Variants in NKAIN2 observed in about 807,000 individuals in gnomAD.
NKAIN2 encodes the protein sodium/potassium-transporting ATPase subunit beta-1-interacting protein 2.
A neutral mutation model predicts 32.6 loss-of-function variants in NKAIN2; 14 were observed. The observed-to-expected ratio is 0.43, with a 90% CI of 0.28 to 0.67. The LOEUF is 0.67. Ranked by LOEUF, NKAIN2 falls within the 30% of genes least tolerant of loss-of-function variation. NKAIN2 has a pLI of 0.17. For synonymous variants in NKAIN2, 80 were observed against 87.2 expected, an observed-to-expected ratio of 0.92 and a Z score of 0.46; for missense variants, 198 against 258.3, an observed-to-expected ratio of 0.77 and a Z score of 1.60.
chr6:124,148,223 A>C (rs1787518675), intron 1 of NKAIN2, among the ~76,000 whole-genome samples: 1 of 152,234 alleles, frequency 6.6e-6, no homozygotes, highest in South Asian at 2.1e-4. Flanking sequence ...TGTGATTACT[A>C]TTTTAACATT....
intron 1 of NKAIN2, among the ~76,000 whole-genome samples, chr6:123,877,855 A>G (rs942768428): frequency 3.3e-5 from 5 of 152,204 alleles, no homozygotes; most frequent in African/African-American, 1.2e-4. Context: ...GTAACTTTTA[A>G]TTATAATTTT....
intron 4 of NKAIN2, among the ~76,000 whole-genome samples, chr6:124,757,594 T>G (rs1014914108): frequency 6.6e-6 from 1 of 152,146 alleles, no homozygotes; most frequent in Admixed American, 6.6e-5. Context: ...AATTGATGCA[T>G]GTCTGTAGAA....
rs111594753 is a variant in NKAIN2 at position 124,077,739 on chromosome 6, G to A, written c.55-205266G>A. Among the ~76,000 whole-genome samples the A allele has an allele frequency of 2.3e-3, 354 of 151,642 alleles. 1 individual carries two copies. Among genetic ancestry groups the A allele is most frequent in the African/African-American group, 6.9e-3 (284 of 41,310 alleles). On this transcript the variant is annotated intron_variant, in intron 1 of 6. Coordinates refer to ENST00000368417, the MANE Select transcript of NKAIN2 (RefSeq NM_001040214.3). ...AGCCTGCCTCCCTTGTGGGACCATA[G>A]ATGCTCACCACCACACCCAGCTATT...
At chr6:124,449,881 A>T (rs927504111) in intron 3 of NKAIN2, among the ~76,000 whole-genome samples, 32 of 152,140 alleles carry the variant, frequency 2.1e-4, no homozygotes, top group African/African-American at 7.7e-4. Flanking sequence ...AATTGTTCCT[A>T]TCAGCCACAT....
At chr6:124,654,700 A>G (rs1267455797) in intron 3 of NKAIN2, among the ~76,000 whole-genome samples, 1 of 152,162 alleles carries the variant, frequency 6.6e-6, no homozygotes, top group Non-Finnish European at 1.5e-5. Context: ...TGGAGGCCTT[A>G]TATTTTAAAA....
At chr6:124,386,583 C>T (rs368785538) in intron 3 of NKAIN2, among the ~76,000 whole-genome samples, 205 of 152,236 alleles carry the variant, frequency 1.3e-3, no homozygotes, top group African/African-American at 3.7e-3. Context: ...CTGATCCGGG[C>T]GCAATGGTTT....
chr6:123,983,992 C>T (rs1459753039), intron 1 of NKAIN2, among the ~76,000 whole-genome samples: 1 of 152,126 alleles, frequency 6.6e-6, no homozygotes, highest in Non-Finnish European at 1.5e-5. Context: ...ACTGCAACAT[C>T]CACCTCCCAG....
intron 3 of NKAIN2, among the ~76,000 whole-genome samples, chr6:124,571,063 T>C (rs1180574838): frequency 1.3e-5 from 2 of 152,272 alleles, no homozygotes. Context: ...GCTCACTGGA[T>C]TTTGGACTTG....
chr6:124,270,737 A>T (rs1217914067), intron 1 of NKAIN2, among the ~76,000 whole-genome samples: 1 of 152,152 alleles, frequency 6.6e-6, no homozygotes. Flanking sequence ...ATCATCCCTC[A>T]TCTGCTTTTC....
intron 3 of NKAIN2, among the ~76,000 whole-genome samples, chr6:124,488,129 A>G (rs1777726247): frequency 6.6e-6 from 1 of 152,078 alleles, no homozygotes; most frequent in Admixed American, 6.6e-5. Context: ...TAATTCTGTC[A>G]GGAACTACTG....
At chr6:124,523,353 T>G (rs1478198609) in intron 3 of NKAIN2, among the ~76,000 whole-genome samples, 2 of 152,030 alleles carry the variant, frequency 1.3e-5, no homozygotes, top group African/African-American at 4.8e-5. Flanking sequence ...ACTCCTTTGT[T>G]CTCATTCCTT....
At chr6:124,498,920 AGTT>A (rs1225361454) in intron 3 of NKAIN2, among the ~76,000 whole-genome samples, 1 of 151,904 alleles carries the variant, frequency 6.6e-6, no homozygotes, top group African/African-American at 2.4e-5. Context: ...TCTTTTTTGT[AGTT>A]GTTGTTTTGT....
chr6:124,112,420 T>C (rs1785427413), intron 1 of NKAIN2, among the ~76,000 whole-genome samples: 1 of 152,224 alleles, frequency 6.6e-6, no homozygotes, highest in South Asian at 2.1e-4. Context: ...TTTCTGTTGA[T>C]AAATTTACTC....
chr6:123,891,407 G>A (rs1041218785), intron 1 of NKAIN2, among the ~76,000 whole-genome samples: 3 of 152,130 alleles, frequency 2.0e-5, no homozygotes, highest in Admixed American at 6.6e-5. Context: ...GTAACATCAC[G>A]AGCTTGGAAA....
At chr6:123,891,039 C>T (rs1296904566) in intron 1 of NKAIN2, among the ~76,000 whole-genome samples, 1 of 152,010 alleles carries the variant, frequency 6.6e-6, no homozygotes, top group Non-Finnish European at 1.5e-5. Flanking sequence ...TTCTTACATG[C>T]TACAACATGG....
chr6:123,978,210 T>A (rs896227447), intron 1 of NKAIN2, among the ~76,000 whole-genome samples: 2 of 152,136 alleles, frequency 1.3e-5, no homozygotes, highest in Admixed American at 1.3e-4. Context: ...ACTCTGTTAG[T>A]TTTCTCATGT....
In NKAIN2 at chr6:124,462,376, A is replaced by C. The variant is rs1189916195; in HGVS notation, c.273+107029A>C. 2.6e-5 allele frequency among the ~76,000 whole-genome samples: 4 copies of C among 152,016 alleles called. No homozygotes were observed. The East Asian group carries it at 7.7e-4, about 29-fold the overall frequency. On this transcript the variant is annotated intron_variant, in intron 3 of 6. Coordinates refer to ENST00000368417, the MANE Select transcript of NKAIN2 (RefSeq NM_001040214.3). ...GTTTTTAAACCAGACTTACTAATTT[A>C]AATATTAGTACAAAAATATTGTAAC... is the stretch of plus-strand genomic sequence containing the variant.
chr6:124,767,995 TTTATA>T (rs1249554964), intron 4 of NKAIN2, among the ~76,000 whole-genome samples: 19 of 152,292 alleles, frequency 1.2e-4, no homozygotes, highest in Admixed American at 1.1e-3. Flanking sequence ...TGACAATGGC[TTTATA>T]TTAAAGTTAT....
chr6:123,971,625 G>T (rs180782883), intron 1 of NKAIN2, among the ~76,000 whole-genome samples: 4 of 152,218 alleles, frequency 2.6e-5, no homozygotes, highest in Admixed American at 2.6e-4. Flanking sequence ...CCTTAGGAAA[G>T]CTTGTTGTCC....
Sources: gnomAD v4.1 joint callset for allele counts (sites outside exome capture counted in the v4.1 genomes callset) on GRCh38, gnomAD v4.1.1 for gene constraint, MANE v1.5 for transcripts, NCBI Gene and HGNC (gene_info 2026-07-23, HGNC 2026-07-21) for gene names.